GRM5: variants seen among roughly 807,000 people sequenced by gnomAD.
GRM5 encodes glutamate metabotropic receptor 5.
GRM5 carries 19 observed loss-of-function variants against 83.1 expected under a neutral mutation model. That is an observed-to-expected ratio of 0.23 (90% CI 0.16 to 0.34). The LOEUF is 0.34. GRM5 is among the 10% of genes least tolerant of loss of function. GRM5 has a pLI of 1.00. For missense variants in GRM5, 1,160 were observed against 1,588.3 expected, an observed-to-expected ratio of 0.73 and a Z score of 4.58; for synonymous variants, 675 against 633.6, an observed-to-expected ratio of 1.07 and a Z score of -0.98.
intron 2 of GRM5, among the ~76,000 whole-genome samples, chr11:88,863,453 C>T (rs555032890): frequency 6.6e-6 from 1 of 152,106 alleles, no homozygotes; most frequent in Admixed American, 6.6e-5. Context: ...GAGATCATGT[C>T]CTTTGCAGGG....
chr11:88,831,706 C>G (rs1943997573), intron 3 of GRM5, among the ~76,000 whole-genome samples: 1 of 152,204 alleles, frequency 6.6e-6, no homozygotes, highest in African/African-American at 2.4e-5. Flanking sequence ...TATCCACACA[C>G]ACCAACTGTG....
At chr11:88,732,396 A>G (rs1941827057) in intron 3 of GRM5, among the ~76,000 whole-genome samples, 1 of 152,080 alleles carries the variant, frequency 6.6e-6, no homozygotes. Flanking sequence ...CAATATTTGA[A>G]AACAAGATAT....
At chr11:88,885,277 T>C (rs940132574) in intron 2 of GRM5, among the ~76,000 whole-genome samples, 2 of 151,844 alleles carry the variant, frequency 1.3e-5, no homozygotes, top group African/African-American at 4.8e-5. Flanking sequence ...TTAAATCCTC[T>C]GAAGCATATG....
intron 7 of GRM5, among the ~76,000 whole-genome samples, chr11:88,584,585 G>A (rs1187720528): frequency 6.6e-6 from 1 of 152,100 alleles, no homozygotes; most frequent in African/African-American, 2.4e-5. Flanking sequence ...TGGGATTACA[G>A]GCATGCACCA....
At chr11:88,952,550 A>G (rs2135681010) in intron 2 of GRM5, among the ~76,000 whole-genome samples, 1 of 152,210 alleles carries the variant, frequency 6.6e-6, no homozygotes, top group South Asian at 2.1e-4. Flanking sequence ...AAAAATTTCT[A>G]CCATTAACTT....
intron 3 of GRM5, among the ~76,000 whole-genome samples, chr11:88,661,119 C>T (rs1939893470): frequency 6.6e-6 from 1 of 152,184 alleles, no homozygotes; most frequent in African/African-American, 2.4e-5. Context: ...AAGATAGCTA[C>T]ATTTATTTTT....
At chr11:88,619,361 T>A (rs944082512) in intron 4 of GRM5, among the ~76,000 whole-genome samples, 3 of 152,306 alleles carry the variant, frequency 2.0e-5, no homozygotes, top group African/African-American at 7.2e-5. Context: ...TTTATGGAAA[T>A]CTCACATTAA....
chr11:88,651,256 A>G (rs1939623984), intron 4 of GRM5, among the ~76,000 whole-genome samples: 1 of 152,084 alleles, frequency 6.6e-6, no homozygotes, highest in South Asian at 2.1e-4. Context: ...ACTATTTTCA[A>G]GAGGAGGCAT....
intron 3 of GRM5, among the ~76,000 whole-genome samples, chr11:88,732,027 T>A (rs1366111399): frequency 6.6e-6 from 1 of 152,010 alleles, no homozygotes; most frequent in Non-Finnish European, 1.5e-5. Flanking sequence ...AGTGTCCTTT[T>A]CACTAATTGA....
intron 2 of GRM5, among the ~76,000 whole-genome samples, chr11:88,991,370 A>T (rs1939963084): frequency 6.6e-6 from 1 of 152,010 alleles, no homozygotes. Flanking sequence ...AGAGGATACA[A>T]ACAAATGGAA....
chr11:89,019,419 G>C lies in GRM5; in HGVS notation c.661+27793C>G, dbSNP rs189199599. Among the ~76,000 whole-genome samples, 194 of 152,040 alleles carry C rather than the reference G, an allele frequency of 1.3e-3. 1 individual carries two copies. Among genetic ancestry groups the C allele is most frequent in the Non-Finnish European group, 1.0e-3 (71 of 67,992 alleles). On this transcript the variant is annotated intron_variant, in intron 2 of 9. Transcript: ENST00000305447. The stretch of plus-strand genomic sequence containing the variant: ...ATCAAGAACAAACCCTTTCAGCTGG[G>C]CATGGTGGCTCACACCTGTAATCCC...
intron 3 of GRM5, among the ~76,000 whole-genome samples, chr11:88,760,183 C>G (rs1195184725): frequency 6.6e-6 from 1 of 152,086 alleles, no homozygotes; most frequent in South Asian, 2.1e-4. Context: ...AACAGCAAAC[C>G]AATCCCAAAG....
intron 2 of GRM5, among the ~76,000 whole-genome samples, chr11:89,004,074 A>T (rs909510210): frequency 4.5e-4 from 68 of 152,194 alleles, no homozygotes; most frequent in Non-Finnish European, 1.5e-4. Flanking sequence ...GAGATCAAAG[A>T]ATTATTGGAG....
At chr11:88,713,354 T>C (rs1045947450) in intron 3 of GRM5, among the ~76,000 whole-genome samples, 5 of 152,030 alleles carry the variant, frequency 3.3e-5, no homozygotes, top group Non-Finnish European at 5.9e-5. Flanking sequence ...ATTTCCATCA[T>C]GTGTAAAATA....
intron 2 of GRM5, among the ~76,000 whole-genome samples, chr11:88,904,850 GA>G (rs1945377134): frequency 6.6e-6 from 1 of 152,124 alleles, no homozygotes; most frequent in African/African-American, 2.4e-5. Context: ...ATTCACCGCA[GA>G]GGTATTTATT....
At chr11:88,897,379 C>T (rs1280092807) in intron 2 of GRM5, among the ~76,000 whole-genome samples, 5 of 151,860 alleles carry the variant, frequency 3.3e-5, no homozygotes, top group Admixed American at 3.3e-4. Context: ...ACAGCAGACA[C>T]AAAAAATTCA....
At chr11:88,631,396 C>T (rs750500693) in intron 4 of GRM5, among the ~76,000 whole-genome samples, 3 of 151,942 alleles carry the variant, frequency 2.0e-5, no homozygotes, top group Non-Finnish European at 4.4e-5. Flanking sequence ...TTACTAATAC[C>T]ACATATTGTA....
At chr11:88,963,280 C>T (rs1938840124) in intron 2 of GRM5, among the ~76,000 whole-genome samples, 1 of 152,064 alleles carries the variant, frequency 6.6e-6, no homozygotes, top group Admixed American at 6.6e-5. Context: ...TGGTCATTCC[C>T]CAATATTTAT....
At chr11:88,564,572 A>T (rs1553132) in intron 8 of GRM5, among the ~76,000 whole-genome samples, 1 of 152,106 alleles carries the variant, frequency 6.6e-6, no homozygotes. Context: ...TAATCTTATA[A>T]AAGTTAATAG....
Sources: gnomAD v4.1 joint callset for allele counts (sites outside exome capture counted in the v4.1 genomes callset) on GRCh38, gnomAD v4.1.1 for gene constraint, MANE v1.5 for transcripts, NCBI Gene and HGNC (gene_info 2026-07-23, HGNC 2026-07-21) for gene names.